RAP1A: variants seen among roughly 807,000 people sequenced by gnomAD.
The protein encoded by RAP1A is RAP1A, member of RAS oncogene family, also known as ras-related protein Rap-1A.
A neutral mutation model predicts 26.4 loss-of-function variants in RAP1A; 6 were observed. That is an observed-to-expected ratio of 0.23 (90% confidence interval 0.12 to 0.45). The LOEUF (loss-of-function observed/expected upper bound fraction) is 0.45. Among genes scored for constraint, RAP1A ranks in the 20% least tolerant of loss-of-function variants. RAP1A has a pLI of 0.99. For synonymous variants in RAP1A, 73 were observed against 79.4 expected (o/e 0.92, Z 0.43); for missense variants, 121 against 217.2 (o/e 0.56, Z 2.78).
At chr1:111,710,495 C>T (rs1448753927) in intron 7 of RAP1A, among the ~76,000 whole-genome samples, 1 of 152,140 alleles carries the variant, frequency 6.6e-6, no homozygotes, top group Non-Finnish European at 1.5e-5. Flanking sequence ...TAATTTGGTG[C>T]TTATTACATG....
chr1:111,553,957 C>A (rs189021320), intron 1 of RAP1A, among the ~76,000 whole-genome samples: 58 of 152,310 alleles, frequency 3.8e-4, no homozygotes, highest in Admixed American at 1.7e-3. Context: ...TATGGGCATG[C>A]ATTGCTTCCC....
intron 1 of RAP1A, among the ~76,000 whole-genome samples, chr1:111,579,003 G>A (rs979399152): frequency 3.3e-5 from 5 of 152,186 alleles, no homozygotes; most frequent in African/African-American, 1.2e-4. Context: ...TAAACAGCCA[G>A]ACGAAGAGAA....
intron 1 of RAP1A, chr1:111,648,784 G>C: frequency 1.6e-6 from 1 of 639,634 alleles, no homozygotes; most frequent in South Asian, 1.5e-5. Context: ...TACTTGTCTA[G>C]CTCCTGTCGA....
chr1:111,619,628 A>C, upstream of RAP1A: 2 of 384,786 alleles, frequency 5.2e-6, no homozygotes, highest in Non-Finnish European at 9.2e-6. Context: ...CGGTAGCTCC[A>C]GGCTTTCCCG....
intron 1 of RAP1A, among the ~76,000 whole-genome samples, chr1:111,587,527 C>T (rs756323270): frequency 2.6e-5 from 4 of 152,150 alleles, no homozygotes; most frequent in African/African-American, 9.7e-5. Flanking sequence ...CTCTCTATCT[C>T]CTTTACTCCA....
At chr1:111,564,079 T>C in intron 1 of RAP1A, 1 of 657,448 alleles carries the variant, frequency 1.5e-6, no homozygotes, top group South Asian at 1.7e-5. Flanking sequence ...TTGGACATAC[T>C]CATAAAGCCT....
At chr1:111,639,766 A>G (rs1024632853) in intron 1 of RAP1A, among the ~76,000 whole-genome samples, 1 of 152,230 alleles carries the variant, frequency 6.6e-6, no homozygotes, top group African/African-American at 2.4e-5. Flanking sequence ...GTCTGACACT[A>G]GCCTCCCTTG....
At chr1:111,549,230 TA>T (rs200048631) in intron 1 of RAP1A, among the ~76,000 whole-genome samples, 3 of 152,152 alleles carry the variant, frequency 2.0e-5, no homozygotes, top group East Asian at 3.9e-4. Context: ...TTTATTTTTT[TA>T]AAAAATCTTT....
chr1:111,551,956 G>A (rs1657279634), intron 1 of RAP1A, among the ~76,000 whole-genome samples: 1 of 152,144 alleles, frequency 6.6e-6, no homozygotes, highest in South Asian at 2.1e-4. Flanking sequence ...CATGCACCTG[G>A]CCTTCTAAAT....
At chr1:111,631,583 C>T (rs921456515) in intron 1 of RAP1A, among the ~76,000 whole-genome samples, 2 of 151,988 alleles carry the variant, frequency 1.3e-5, no homozygotes, top group Non-Finnish European at 2.9e-5. Flanking sequence ...GGGTAGTAAA[C>T]TTCCAGAAGA....
chr1:111,646,311 C>G (rs950300002), intron 1 of RAP1A, among the ~76,000 whole-genome samples: 2 of 151,116 alleles, frequency 1.3e-5, no homozygotes, highest in African/African-American at 4.9e-5. Context: ...TAGTATACCT[C>G]TGACCATTTA....
intron 1 of RAP1A, among the ~76,000 whole-genome samples, chr1:111,585,601 GT>G: frequency 6.6e-6 from 1 of 152,094 alleles, no homozygotes; most frequent in Non-Finnish European, 1.5e-5. Context: ...TATTTCCCCT[GT>G]AGTAAATAAA....
In RAP1A at chr1:111,704,425, G is replaced by C; in HGVS notation, c.407G>C (p.Arg136Thr). The change falls in exon 6 of 8, where the codon AGA becomes ACA. Residue 136 changes from arginine (R) to threonine (T), a missense_variant. By Grantham distance (71) the Arg-to-Thr change is moderately conservative. Coordinates refer to ENST00000369709, the MANE Select transcript of RAP1A (RefSeq NM_002884.4). ...VGKEQGQNLA[R>T]QWCNCAFLES... ...AAAGAGCAGGGCCAGAATTTAGCAA[G>C]ACAGTGGTGTAACTGTGCCTTTTTA... 1 of 1,613,940 alleles carries C rather than the reference G, an allele frequency of 6.2e-7. No homozygotes were observed. The highest frequency in any genetic ancestry group is 8.5e-7 in the Non-Finnish European group (1 of 1,179,904).
At chr1:111,591,259 T>C (rs139647312) in intron 1 of RAP1A, among the ~76,000 whole-genome samples, 1 of 152,154 alleles carries the variant, frequency 6.6e-6, no homozygotes, top group Non-Finnish European at 1.5e-5. Flanking sequence ...TCAGTTTTAT[T>C]AGTCTTTTCA....
intron 1 of RAP1A, among the ~76,000 whole-genome samples, chr1:111,550,732 C>G (rs1657223787): frequency 6.6e-6 from 1 of 152,230 alleles, no homozygotes; most frequent in South Asian, 2.1e-4. Context: ...TAGGCTCAAG[C>G]AGTCTTCACA....
intron 1 of RAP1A, among the ~76,000 whole-genome samples, chr1:111,665,127 A>G (rs1660763114): frequency 6.6e-6 from 1 of 152,230 alleles, no homozygotes; most frequent in African/African-American, 2.4e-5. Flanking sequence ...ACAGAATGCT[A>G]TATAAAGTTT....
intron 1 of RAP1A, among the ~76,000 whole-genome samples, chr1:111,686,864 T>C (rs1661499511): frequency 6.7e-6 from 1 of 149,312 alleles, no homozygotes; most frequent in African/African-American, 2.5e-5. Context: ...TCTATATATC[T>C]TTTTTTTTTC....
chr1:111,626,600 T>G (rs1253383390), intron 1 of RAP1A, among the ~76,000 whole-genome samples: 1 of 152,220 alleles, frequency 6.6e-6, no homozygotes, highest in Non-Finnish European at 1.5e-5. Flanking sequence ...TAAATGTGCA[T>G]TTTTAGTGAC....
chr1:111,625,395 A>G (rs1659365974), intron 1 of RAP1A, among the ~76,000 whole-genome samples: 1 of 152,198 alleles, frequency 6.6e-6, no homozygotes, highest in Non-Finnish European at 1.5e-5. Flanking sequence ...ACTGAATACA[A>G]CTATTTGGAC....
Sources: gnomAD v4.1 joint callset for allele counts (sites outside exome capture counted in the v4.1 genomes callset) on GRCh38, gnomAD v4.1.1 for gene constraint, MANE v1.5 for transcripts, NCBI Gene and HGNC (gene_info 2026-07-23, HGNC 2026-07-21) for gene names.